The following DOCK6 variants were observed in gnomAD, a reference collection of about 807,000 sequenced individuals.
The protein encoded by DOCK6 is dedicator of cytokinesis protein 6.
Under a neutral mutation model 230.3 loss-of-function variants are expected in DOCK6, and 167 were observed. The ratio of observed to expected loss-of-function variants is 0.73; its 90% CI spans 0.64 to 0.82. The LOEUF (loss-of-function observed/expected upper bound fraction) is 0.82, where lower values mean the gene tolerates loss of function less well. Among genes scored for constraint, DOCK6 ranks in the 40% least tolerant of loss-of-function variants. The pLI is 0.00. For synonymous variants in DOCK6, 1,148 were observed against 1,185.0 expected (o/e 0.97, Z 0.64); for missense variants, 2,598 against 2,825.8 (o/e 0.92, Z 1.83).
At chr19:11,239,952 G>A (rs375214158) in intron 14 of DOCK6, 47 of 1,567,862 alleles carry the variant, frequency 3.0e-5, no homozygotes, top group African/African-American at 6.8e-5. Context: ...CCGTAGCTGC[G>A]ACACTGTGGG....
intron 35 of DOCK6, 106 bp from the exon 36 acceptor site, chr19:11,212,257 T>C: frequency 7.7e-7 from 1 of 1,305,592 alleles, no homozygotes; most frequent in Admixed American, 2.4e-5. Flanking sequence ...TTTATTTTTT[T>C]TGAGATGGGG....
chr19:11,203,802 C>T, intron 41 of DOCK6: 1 of 550,220 alleles, frequency 1.8e-6, no homozygotes, highest in Non-Finnish European at 3.2e-6. Context: ...ACCCCGCCAC[C>T]CCCCTGCAGT....
Position 11,240,101 on chromosome 19 carries a change from A to G in DOCK6, c.1644-1797T>C, listed in dbSNP as rs1273959900. 5 of 1,551,014 alleles carry G rather than the reference A, an allele frequency of 3.2e-6. No homozygotes were observed. In the African/African-American group the frequency reaches 6.8e-5, roughly 21 times the overall value. The stretch of plus-strand genomic sequence containing the variant: ...CCTTAGGTACACAAAGATGAGTTGG[A>G]CATCCTACTAGTGACCCACTGTTTA... On this transcript the variant is annotated intron_variant, in intron 14 of 47. Transcript: ENST00000294618.
chr19:11,215,571 C>A (rs1281014587), intron 31 of DOCK6, 100 bp from the exon 32 acceptor site: 1 of 1,343,664 alleles, frequency 7.4e-7, no homozygotes, highest in Admixed American at 2.0e-5. Flanking sequence ...GGTGGGCTGA[C>A]CCATGAGGGC....
chr19:11,252,082 A>G (rs918497078), intron 5 of DOCK6, 37 bp downstream of exon 5: 1 of 1,574,708 alleles, frequency 6.4e-7, no homozygotes, highest in African/African-American at 1.3e-5. Context: ...GCCTCCACAC[A>G]TACCCCTTCA....
chr19:11,254,048 T>G, intron 1 of DOCK6: 2 of 266,546 alleles, frequency 7.5e-6, no homozygotes, highest in East Asian at 8.0e-5. Flanking sequence ...CTCCCTCATC[T>G]GGGGGACCTC....
At chr19:11,213,143 A>G in intron 35 of DOCK6, 33 bp downstream of exon 35, 1 of 1,598,958 alleles carries the variant, frequency 6.3e-7, no homozygotes, top group South Asian at 1.1e-5. Context: ...GACCAGAGCC[A>G]TGTGTGGACC....
At chr19:11,213,520 C>T (rs943714904) in intron 34 of DOCK6, among the ~76,000 whole-genome samples, 192 bp from the exon 35 acceptor site, 2 of 152,174 alleles carry the variant, frequency 1.3e-5, no homozygotes, top group African/African-American at 4.8e-5. Context: ...CTTGGCCACT[C>T]TGATTCTGCC....
chr19:11,216,068 C>T (rs1307441513), intron 30 of DOCK6, 141 bp from the exon 31 acceptor site: 20 of 1,107,634 alleles, frequency 1.8e-5, no homozygotes, highest in Non-Finnish European at 2.5e-5. Flanking sequence ...CCTCTAAATT[C>T]TTAGCACTTA....
intron 1 of DOCK6, 84 bp downstream of exon 1, chr19:11,262,313 C>G (rs1401652337): frequency 1.1e-6 from 1 of 874,096 alleles, no homozygotes; most frequent in African/African-American, 1.8e-5. Context: ...GAATTGGGGG[C>G]GCCCGGGCGG....
chr19:11,251,681 C>T, intron 5 of DOCK6: 1 of 153,556 alleles, frequency 6.5e-6, no homozygotes, highest in East Asian at 1.9e-4. Context: ...GATTGCACCA[C>T]TGTACTTCAG....
At position 11,260,336 on chromosome 19, in the gene DOCK6, T is replaced by G. The variant is rs1223647331; in HGVS notation, c.44+2061A>C. Among the ~76,000 whole-genome samples, 3 of 152,060 alleles carry G rather than the reference T, an allele frequency of 2.0e-5. No homozygotes were observed. The East Asian group carries it at 5.8e-4, about 29-fold the overall frequency. ...TGGCTCACGCCTGTAATCCCAGCAT[T>G]TGGGAGGCCGAGGCAGGAGGATCAC... On this transcript the variant is annotated intron_variant, in intron 1 of 47. Transcript: ENST00000294618.
chr19:11,235,522 A>T, intron 21 of DOCK6, 76 bp downstream of exon 21: 1 of 1,427,146 alleles, frequency 7.0e-7, no homozygotes, highest in Non-Finnish European at 9.4e-7. Flanking sequence ...AAGTCCTGGG[A>T]TTACAGGCGT....
At chr19:11,223,162 C>T (rs529967785) in intron 24 of DOCK6, 56 bp from the exon 25 acceptor site, 2 of 1,538,100 alleles carry the variant, frequency 1.3e-6, no homozygotes, top group African/African-American at 2.7e-5. Flanking sequence ...CCGACAGGGG[C>T]TTGGCTCTCA....
At chr19:11,233,118 CA>C in intron 22 of DOCK6, 84 bp downstream of exon 22, 1 of 1,511,842 alleles carries the variant, frequency 6.6e-7, no homozygotes, top group Admixed American at 2.0e-5. Context: ...TGTTGTTTCC[CA>C]TGCTTCATCA....
At chr19:11,255,570 T>A (rs2080184603) in intron 1 of DOCK6, among the ~76,000 whole-genome samples, 2 of 151,874 alleles carry the variant, frequency 1.3e-5, no homozygotes, top group South Asian at 4.1e-4. Flanking sequence ...CGCCTTGTAC[T>A]TTTTTTTGAC....
intron 14 of DOCK6, chr19:11,239,975 C>T (rs530487180): frequency 3.5e-5 from 54 of 1,556,178 alleles, no homozygotes; most frequent in Non-Finnish European, 4.3e-5. Context: ...GGCCAGGAGT[C>T]CAAAGAGGAG....
At position 11,201,089 on chromosome 19, in the gene DOCK6, C is replaced by T. The variant is rs1162249994; in HGVS notation, c.5689-37G>A. On this transcript the variant is annotated intron_variant, in intron 44 of 47. Coordinates refer to ENST00000294618, the MANE Select transcript of DOCK6 (RefSeq NM_020812.4). The surrounding 1 kb of genome is among the most constrained non-coding windows in gnomAD (Gnocchi z 4.3). ...GGGGAGGGGTGTGTACTCGCTGGGG[C>T]CTGAGGAGGTCCTGATCGAAGCCAG... is the stretch of plus-strand genomic sequence containing the variant. 1.2e-6 allele frequency: 2 copies of T among 1,608,990 alleles called. No individual in the cohort carries two copies. The highest frequency in any genetic ancestry group is 1.7e-5 in the Admixed American group (1 of 59,356).
rs761003519 is a variant in DOCK6 at position 11,215,813 on chromosome 19, G to A, written c.4009C>T (p.Arg1337Trp). The A allele has an allele frequency of 1.3e-5, 21 of 1,613,934 alleles. No individual in the cohort carries two copies. Among genetic ancestry groups the A allele is most frequent in the East Asian group, 4.5e-5 (2 of 44,874 alleles). Residue 1337 changes from arginine to tryptophan, a missense_variant, in exon 31 of 48, where the codon CGG becomes TGG. By Grantham distance (101) the Arg-to-Trp change is moderately radical. Coordinates refer to ENST00000294618, the MANE Select transcript of DOCK6 (RefSeq NM_020812.4). ...GTCACCCTCTTACCACGACTTCGCC[G>A]AACCATTTCTTGTCGAGCTCCGATG... ...GTIGARQEMV[R>W]RSRERSPFGN... is the part of the protein sequence containing the mutation.
Sources: gnomAD v4.1 joint callset for allele counts (sites outside exome capture counted in the v4.1 genomes callset) on GRCh38, gnomAD v4.1.1 for gene constraint, Gnocchi (gnomAD v3.1) non-coding constraint, MANE v1.5 for transcripts, NCBI Gene and HGNC (gene_info 2026-07-23, HGNC 2026-07-21) for gene names.